Variants in WDPCP observed in about 807,000 individuals in gnomAD.
The protein encoded by WDPCP is WD repeat containing planar cell polarity effector.
In WDPCP, 71 loss-of-function variants were observed where a neutral mutation model predicts 93.1. That is an observed-to-expected ratio of 0.76 (90% CI 0.63 to 0.93). The LOEUF (loss-of-function observed/expected upper bound fraction) is 0.93. WDPCP is among the 40% of genes least tolerant of loss of function. The pLI is 0.00. For missense variants in WDPCP, 844 were observed against 887.4 expected (o/e 0.95, Z 0.62); for synonymous variants, 315 against 315.0 (o/e 1.00, Z 0.00).
chr2:63,178,597 T>G (rs1673995862), intron 14 of WDPCP, among the ~76,000 whole-genome samples: 1 of 152,140 alleles, frequency 6.6e-6, no homozygotes, highest in African/African-American at 2.4e-5. Context: ...CTTCTCTCTT[T>G]TTTTTAATTA....
At chr2:63,697,173 C>T (rs938221917) in intron 2 of WDPCP, among the ~76,000 whole-genome samples, 3 of 152,020 alleles carry the variant, frequency 2.0e-5, no homozygotes, top group African/African-American at 7.2e-5. Flanking sequence ...GTAGTGTGGG[C>T]CCCATAAAGC....
intron 2 of WDPCP, among the ~76,000 whole-genome samples, chr2:63,696,793 A>G (rs1226515369): frequency 6.6e-6 from 1 of 152,246 alleles, no homozygotes; most frequent in Non-Finnish European, 1.5e-5. Flanking sequence ...CCAAATATTT[A>G]ACTGGCTGAT....
chr2:63,452,338 C>G (rs1005495637), intron 6 of WDPCP, among the ~76,000 whole-genome samples: 2 of 152,296 alleles, frequency 1.3e-5, no homozygotes, highest in African/African-American at 4.8e-5. Context: ...AACTCCCATT[C>G]ACAATTGCTT....
chr2:63,732,739 G>A (rs1410118174), intron 2 of WDPCP, among the ~76,000 whole-genome samples: 1 of 152,176 alleles, frequency 6.6e-6, no homozygotes, highest in Non-Finnish European at 1.5e-5. Flanking sequence ...CATGGGATAT[G>A]ACATTATTTT....
At chr2:63,695,049 T>C (rs963963002) in intron 2 of WDPCP, among the ~76,000 whole-genome samples, 3 of 152,206 alleles carry the variant, frequency 2.0e-5, no homozygotes, top group East Asian at 1.9e-4. Flanking sequence ...GAGTTGTGAA[T>C]TCAAACTTAC....
At chr2:63,650,931 C>T (rs1022714180) in intron 2 of WDPCP, 1 of 152,116 alleles carries the variant, frequency 6.6e-6, no homozygotes, top group Non-Finnish European at 1.5e-5. Flanking sequence ...GATGCCTTGC[C>T]AAGAAGGCTG....
intron 2 of WDPCP, among the ~76,000 whole-genome samples, chr2:63,781,679 T>C (rs563998379): frequency 4.8e-4 from 73 of 152,102 alleles, no homozygotes; most frequent in African/African-American, 1.7e-3. Flanking sequence ...CAGAAGCAGG[T>C]ATAAGATACA....
chr2:63,591,320 TTC>T (rs565506761), upstream of WDPCP, among the ~76,000 whole-genome samples: 14 of 152,352 alleles, frequency 9.2e-5, no homozygotes, highest in Middle Eastern at 3.4e-3. Context: ...GGACTTTTCT[TTC>T]TCTGTTTCAT....
intron 6 of WDPCP, among the ~76,000 whole-genome samples, chr2:63,477,629 G>A (rs1444780246): frequency 3.3e-5 from 5 of 152,010 alleles, no homozygotes; most frequent in Non-Finnish European, 7.4e-5. Flanking sequence ...GAACTTAACA[G>A]AAAAGCCAAA....
At chr2:63,333,575 C>A (rs1160206171) in intron 12 of WDPCP, among the ~76,000 whole-genome samples, 1 of 152,188 alleles carries the variant, frequency 6.6e-6, no homozygotes, top group Non-Finnish European at 1.5e-5. Context: ...TGAACATTTC[C>A]TTTCTGTTGA....
intron 12 of WDPCP, among the ~76,000 whole-genome samples, chr2:63,362,277 TTGTGTGTGTG>T (rs140044354): frequency 1.1e-5 from 1 of 94,132 alleles, no homozygotes; most frequent in Non-Finnish European, 1.9e-5. Context: ...TTTTTTTTGG[TTGTGTGTGTG>T]TGTGTGTGTG....
intron 12 of WDPCP, among the ~76,000 whole-genome samples, chr2:63,313,886 A>ATATATATATATATTTTT: frequency 3.2e-4 from 24 of 74,470 alleles, no homozygotes; most frequent in Admixed American, 1.2e-3. Flanking sequence ...ATATATATAT[A>ATATATATATATATTTTT]TTTTTTTTTT....
At chr2:63,656,331 G>T (rs1710165272) in intron 2 of WDPCP, among the ~76,000 whole-genome samples, 1 of 152,182 alleles carries the variant, frequency 6.6e-6, no homozygotes, top group South Asian at 2.1e-4. Context: ...GGTCAGGCTT[G>T]GTTGGCCCCA....
intron 2 of WDPCP, among the ~76,000 whole-genome samples, chr2:63,713,005 C>T (rs1015941519): frequency 1.2e-4 from 18 of 152,154 alleles, no homozygotes; most frequent in African/African-American, 4.1e-4. Flanking sequence ...TCTAAGGATT[C>T]ATTCTCTGGC....
At position 63,120,613 on chromosome 2, in the gene WDPCP, G is replaced by A. The variant is rs1669496648; in HGVS notation, c.*1393C>T. Among the ~76,000 whole-genome samples, 7 of 144,198 alleles carry A rather than the reference G, an allele frequency of 4.9e-5. No homozygotes were observed. The highest frequency in any genetic ancestry group is 2.2e-4 in the South Asian group (1 of 4,476). The allele number at this position is 144,198 out of a possible 152,430, so 94.6% of individuals were successfully genotyped here. On this transcript the variant is annotated 3_prime_UTR_variant, in exon 18 of 18. Coordinates refer to ENST00000272321, the MANE Select transcript of WDPCP (RefSeq NM_015910.7). ...GCGACCTCAGCTCACTGCAGCCTCC[G>A]CCCTCCGGGTTCACGCCATTCTCCT...
At chr2:63,426,578 C>T (rs1696314836) in intron 9 of WDPCP, among the ~76,000 whole-genome samples, 2 of 152,116 alleles carry the variant, frequency 1.3e-5, no homozygotes, top group South Asian at 2.1e-4. Context: ...AAGAACAATA[C>T]CTGCTACCAC....
chr2:63,565,940 T>C (rs553932261), intron 1 of WDPCP, among the ~76,000 whole-genome samples: 30 of 152,316 alleles, frequency 2.0e-4, no homozygotes, highest in African/African-American at 6.3e-4. Context: ...TAGTTTTATA[T>C]CCACTGCCAC....
At chr2:63,675,955 C>A (rs1710398996) in intron 2 of WDPCP, among the ~76,000 whole-genome samples, 1 of 152,112 alleles carries the variant, frequency 6.6e-6, no homozygotes, top group Non-Finnish European at 1.5e-5. Context: ...ACTCTATGAC[C>A]AATTCTTCCT....
Position 63,433,897 on chromosome 2 carries a change from T to C in WDPCP, c.673A>G (p.Thr225Ala). ...YEIPGPINKT[T>A]ERHLAINCVH... ...CAGTTGATAGCTAGATGTCGCTCTG[T>C]TGTCTTGTTTATTGGGCCGGGTATT... Residue 225 changes from threonine (T) to alanine (A), a missense_variant, in exon 9 of 18, where the codon ACA (threonine) becomes GCA (alanine). Physicochemically the swap from Thr to Ala is moderately conservative, Grantham distance 58 (BLOSUM62 0). Transcript: ENST00000272321. 6.2e-7 allele frequency: 1 copy of C among 1,613,994 alleles called. No homozygotes were observed. Among genetic ancestry groups the C allele is most frequent in the Non-Finnish European group, 8.5e-7 (1 of 1,179,912 alleles).
Sources: allele counts gnomAD v4.1 joint callset (sites outside exome capture counted in the v4.1 genomes callset), GRCh38; gene constraint gnomAD v4.1.1; transcripts MANE v1.5; gene names NCBI Gene and HGNC (gene_info 2026-07-23, HGNC 2026-07-21).